Variants in ZC3H14 observed in about 807,000 individuals in gnomAD.
The protein encoded by ZC3H14 is zinc finger CCCH-type containing 14.
ZC3H14 carries 31 observed loss-of-function variants against 92.4 expected under a neutral mutation model. The observed-to-expected ratio is 0.34, with a 90% confidence interval of 0.25 to 0.45. The LOEUF is 0.45. Among genes scored for constraint, ZC3H14 ranks in the 20% least tolerant of loss-of-function variants. ZC3H14 has a pLI of 1.00. For missense variants in ZC3H14, 781 were observed against 897.3 expected, an observed-to-expected ratio of 0.87 and a Z score of 1.66; for synonymous variants, 321 against 300.9, an observed-to-expected ratio of 1.07 and a Z score of -0.69.
At chr14:88,578,276 CCAT>C (rs1413565874) in intron 9 of ZC3H14, 136 bp downstream of exon 9, 5 of 1,308,600 alleles carry the variant, frequency 3.8e-6, no homozygotes, top group Non-Finnish European at 3.2e-6. Context: ...GAGAAGAATA[CCAT>C]GAGGAAGGTT....
rs760793332 is a variant in ZC3H14, at chr14:88,563,123, G to A, written c.-11G>A. ...GCCGCGCAGTGCTGAGTTCCCGCAC[G>A]CCGCAGAGCCATGGAGATCGGCACC... is the stretch of plus-strand genomic sequence containing the variant. On this transcript the variant is annotated 5_prime_UTR_variant, in exon 1 of 17. Transcript: ENST00000251038. 7.5e-6 allele frequency: 12 copies of A among 1,590,288 alleles called. No homozygotes were observed. The South Asian group carries it at 1.4e-4, about 18-fold the overall frequency.
At chr14:88,607,211 A>C in intron 12 of ZC3H14, 32 bp from the exon 13 acceptor site, 1 of 1,613,996 alleles carries the variant, frequency 6.2e-7, no homozygotes, top group Non-Finnish European at 8.5e-7. Context: ...ATCATAATGA[A>C]TGAAATACTT....
Position 88,627,191 on chromosome 14 carries a change from T to C in ZC3H14, c.*15440T>C, listed in dbSNP as rs1206048246. 1 of 701,242 alleles carries C rather than the reference T, an allele frequency of 1.4e-6. No individual in the cohort carries two copies. The highest frequency in any genetic ancestry group is 1.8e-5 in the African/African-American group (1 of 55,960). The allele number at this position is 701,242 out of a possible 1,614,324, so 43.4% of individuals were successfully genotyped here. On this transcript the variant is annotated 3_prime_UTR_variant, in exon 17 of 17. Transcript: ENST00000251038. ...CCCTGCTCTACTACCTAGCAATACA[T>C]GATTTACAATTATTTGTGTATTGAG...
Position 88,609,788 on chromosome 14 carries a change from C to T in ZC3H14, c.2082C>T (p.Pro694=), listed in dbSNP as rs1457346437. 2 of 1,613,950 alleles carry T rather than the reference C, an allele frequency of 1.2e-6. No individual in the cohort carries two copies. Among genetic ancestry groups the T allele is most frequent in the South Asian group, 1.1e-5 (1 of 91,082 alleles). Residue 694 remains proline (P), a synonymous_variant, in exon 15 of 17, where the codon CCC becomes CCT. Transcript: ENST00000251038. The stretch of plus-strand genomic sequence containing the variant: ...CTGCTTGTAAGAAGATGGAATGTCC[C>T]TTCTATCATCCAAAAGTAAGAACTT... ...YFPACKKMEC[P]FYHPKHCRFN... is the part of the protein sequence containing the mutation.
chr14:88,579,049 C>G (rs1439695569), intron 9 of ZC3H14, among the ~76,000 whole-genome samples: 1 of 151,806 alleles, frequency 6.6e-6, no homozygotes, highest in Non-Finnish European at 1.5e-5. Context: ...TCTTCTGTTT[C>G]TTTTTCTACT....
At chr14:88,573,411 AAC>A (rs1288635403) in intron 6 of ZC3H14, among the ~76,000 whole-genome samples, 1 of 152,098 alleles carries the variant, frequency 6.6e-6, no homozygotes, top group Non-Finnish European at 1.5e-5. Flanking sequence ...AAACAAAAAA[AAC>A]ACATATTCCA....
chr14:88,603,969 GTGTCGTGGTTT>G (rs1228257843), intron 12 of ZC3H14, among the ~76,000 whole-genome samples: 2 of 152,214 alleles, frequency 1.3e-5, no homozygotes, highest in African/African-American at 4.8e-5. Flanking sequence ...CAATGACGTA[GTGTCGTGGTTT>G]TGATTAGTGG....
chr14:88,607,626 C>T (rs2085685283), intron 13 of ZC3H14, among the ~76,000 whole-genome samples: 1 of 133,578 alleles, frequency 7.5e-6, no homozygotes, highest in Non-Finnish European at 1.6e-5. Context: ...CCCATCTCAC[C>T]CTGCAAGTGA....
chr14:88,595,057 C>T (rs2083625874), intron 9 of ZC3H14: 1 of 1,613,250 alleles, frequency 6.2e-7, no homozygotes, highest in African/African-American at 1.3e-5. Flanking sequence ...TACTGAATCA[C>T]AGTCAAGAAC....
chr14:88,567,827 T>C (rs1392139232), intron 2 of ZC3H14: 2 of 604,014 alleles, frequency 3.3e-6, no homozygotes, highest in African/African-American at 3.7e-5. Flanking sequence ...GTTTTGTAAG[T>C]ATCAATTATT....
At chr14:88,608,418 A>ATTTTGT (rs1254608701) in intron 13 of ZC3H14, 1 of 339,012 alleles carries the variant, frequency 2.9e-6, no homozygotes, top group African/African-American at 2.2e-5. Context: ...CTTACACCTT[A>ATTTTGT]TTTTGTTTTT....
chr14:88,588,994 GA>G (rs1566938808), intron 9 of ZC3H14, among the ~76,000 whole-genome samples: 1 of 152,132 alleles, frequency 6.6e-6, no homozygotes, highest in East Asian at 1.9e-4. Context: ...TAATTAAAGG[GA>G]TTTTTTTTTT....
At chr14:88,587,188 GTC>G (rs1347943250) in intron 9 of ZC3H14, among the ~76,000 whole-genome samples, 1 of 149,126 alleles carries the variant, frequency 6.7e-6, no homozygotes, top group African/African-American at 2.5e-5. Flanking sequence ...TGGAGGTAGA[GTC>G]TCACTTTTGT....
chr14:88,602,535 T>C (rs562826220), intron 11 of ZC3H14, among the ~76,000 whole-genome samples: 1 of 152,326 alleles, frequency 6.6e-6, no homozygotes, highest in African/African-American at 2.4e-5. Flanking sequence ...TTTTGGTTTG[T>C]TTCCATGTTG....
rs751409959 is a variant in ZC3H14 at position 88,609,372 on chromosome 14, TAGA to T, written c.1979_1981del (p.Arg660del). On this transcript the variant is annotated inframe_deletion, in exon 14 of 17. Coordinates refer to ENST00000251038, the MANE Select transcript of ZC3H14 (RefSeq NM_024824.5). ...CAGATTGTCCCTTCACTCATGTGAG[TAGA>T]AGAATTCCAGTACTGTCTCCAAAAC... 10 of 1,613,922 alleles carry T rather than the reference TAGA, an allele frequency of 6.2e-6. No individual in the cohort carries two copies. Among genetic ancestry groups the T allele is most frequent in the African/African-American group, 4.0e-5 (3 of 74,910 alleles).
intron 12 of ZC3H14, among the ~76,000 whole-genome samples, chr14:88,606,926 C>T (rs2085501673): frequency 1.3e-5 from 2 of 151,986 alleles, no homozygotes; most frequent in Admixed American, 6.6e-5. Flanking sequence ...TATTAGTTCC[C>T]CACTTGACGT....
chr14:88,611,014 G>T, intron 16 of ZC3H14, 74 bp downstream of exon 16: 1 of 1,454,742 alleles, frequency 6.9e-7, no homozygotes, highest in Non-Finnish European at 9.6e-7. Flanking sequence ...AAATTTATAA[G>T]CACACAAAAT....
At chr14:88,567,937 C>T (rs565383251) in intron 2 of ZC3H14, 102 bp from the exon 3 acceptor site, 65 of 932,634 alleles carry the variant, frequency 7.0e-5, no homozygotes, top group South Asian at 4.4e-4. Context: ...TAGAGCTCTG[C>T]GACTCTAAAG....
At chr14:88,611,197 C>G (rs2086660380) in intron 16 of ZC3H14, among the ~76,000 whole-genome samples, 1 of 152,174 alleles carries the variant, frequency 6.6e-6, no homozygotes, top group Admixed American at 6.5e-5. Flanking sequence ...ACTATCATAG[C>G]TCACTGCAGC....
Sources: gnomAD v4.1 joint callset for allele counts (sites outside exome capture counted in the v4.1 genomes callset) on GRCh38, gnomAD v4.1.1 for gene constraint, MANE v1.5 for transcripts, NCBI Gene and HGNC (gene_info 2026-07-23, HGNC 2026-07-21) for gene names.